RIGI: variants seen among roughly 807,000 people sequenced by gnomAD.
RIGI encodes the protein antiviral innate immune response receptor RIG-I.
chr9:32,491,397 C>T, the RIGI span: 4 of 1,610,612 alleles, frequency 2.5e-6, no homozygotes, highest in Non-Finnish European at 3.4e-6. Context: ...TCCTCAAGAT[C>T]TTCTGTTTCA....
chr9:32,461,451 T>A, the RIGI span, among the ~76,000 whole-genome samples: 1 of 152,230 alleles, frequency 6.6e-6, no homozygotes, highest in Non-Finnish European at 1.5e-5. Context: ...CATATCAGAT[T>A]ATGCTTTCAC....
At chr9:32,457,870 A>G in the RIGI span, among the ~76,000 whole-genome samples, 2 of 152,242 alleles carry the variant, frequency 1.3e-5, no homozygotes, top group Admixed American at 6.5e-5. Flanking sequence ...GGCCCCACCT[A>G]GAGTCAACTT....
the RIGI span, among the ~76,000 whole-genome samples, chr9:32,478,466 T>C: frequency 1.3e-5 from 2 of 152,220 alleles, no homozygotes; most frequent in Non-Finnish European, 2.9e-5. Flanking sequence ...TTTTTAACAC[T>C]AGTTCAATGA....
At chr9:32,461,971 C>T in the RIGI span, among the ~76,000 whole-genome samples, 2 of 152,132 alleles carry the variant, frequency 1.3e-5, no homozygotes, top group Non-Finnish European at 2.9e-5. Context: ...CATTCAAGAG[C>T]ATGGCATTTC....
the RIGI span, among the ~76,000 whole-genome samples, chr9:32,501,346 A>ATT: frequency 0.19 from 14,240 of 75,682 alleles, 973 homozygotes; most frequent in Middle Eastern, 0.46. Flanking sequence ...AAAAAAAAAA[A>ATT]TTTTTTTAAT....
the RIGI span, among the ~76,000 whole-genome samples, chr9:32,504,065 A>ACACACACACC: frequency 6.6e-6 from 1 of 151,320 alleles, no homozygotes; most frequent in African/African-American, 2.4e-5. Flanking sequence ...ACACACACAC[A>ACACACACACC]CACCCAGGTC....
the RIGI span, among the ~76,000 whole-genome samples, chr9:32,477,640 T>G: frequency 6.6e-6 from 1 of 152,220 alleles, no homozygotes; most frequent in Admixed American, 6.5e-5. Context: ...AAAAATATAG[T>G]CAGGCCGGGT....
At chr9:32,492,550 A>G in the RIGI span, 5 of 1,613,850 alleles carry the variant, frequency 3.1e-6, no homozygotes, top group Non-Finnish European at 4.2e-6. Flanking sequence ...TAAGCAAGGT[A>G]ACTGTAGTTT....
the RIGI span, among the ~76,000 whole-genome samples, chr9:32,479,866 T>C: frequency 6.6e-6 from 1 of 151,370 alleles, no homozygotes; most frequent in Non-Finnish European, 1.5e-5. Flanking sequence ...ACATAAATTA[T>C]GGTTTTTTTA....
chr9:32,500,893 C>T, the RIGI span: 1 of 1,614,172 alleles, frequency 6.2e-7, no homozygotes, highest in Non-Finnish European at 8.5e-7. Flanking sequence ...TGGCAGCCTC[C>T]ATTGGGCCCT....
At chr9:32,522,414 A>C in the RIGI span, among the ~76,000 whole-genome samples, 4 of 152,224 alleles carry the variant, frequency 2.6e-5, no homozygotes, top group Admixed American at 6.5e-5. Context: ...TTTAATAAAA[A>C]TCTGTTTTCT....
At chr9:32,521,245 AT>A in the RIGI span, among the ~76,000 whole-genome samples, 1 of 151,952 alleles carries the variant, frequency 6.6e-6, no homozygotes, top group African/African-American at 2.4e-5. Context: ...AACATTAAAA[AT>A]ATACCATACA....
chr9:32,488,661 C>T, the RIGI span: 1 of 1,417,444 alleles, frequency 7.1e-7, no homozygotes, highest in East Asian at 2.5e-5. Context: ...AATCATTTGT[C>T]AAAAACAAAA....
the RIGI span, among the ~76,000 whole-genome samples, chr9:32,476,160 TAAA>T: frequency 6.6e-6 from 1 of 151,798 alleles, no homozygotes; most frequent in African/African-American, 2.4e-5. Flanking sequence ...ATTTAAAAAG[TAAA>T]AAAAGGAAGA....
At chr9:32,457,011 A>C in the RIGI span, 2 of 817,238 alleles carry the variant, frequency 2.4e-6, no homozygotes, top group South Asian at 3.5e-5. Context: ...GATATTTTTA[A>C]AAAATATATT....
At chr9:32,492,854 T>C in the RIGI span, among the ~76,000 whole-genome samples, 7 of 152,316 alleles carry the variant, frequency 4.6e-5, no homozygotes, top group East Asian at 7.7e-4. Flanking sequence ...TATGGGTATA[T>C]TGGCATATAG....
the RIGI span, among the ~76,000 whole-genome samples, chr9:32,476,109 ACTCTAATGAGGTATC>A: frequency 6.6e-6 from 1 of 152,076 alleles, no homozygotes; most frequent in Admixed American, 6.6e-5. Flanking sequence ...GAAAATTAAA[ACTCTAATGAGGTATC>A]ATTACCTACT....
At chr9:32,457,151 GTATCT>G in the RIGI span, 1 of 1,613,600 alleles carries the variant, frequency 6.2e-7, no homozygotes, top group Non-Finnish European at 8.5e-7. Flanking sequence ...GGATCAAATG[GTATCT>G]TCTCAAAATG....
At chr9:32,493,807 T>C in the RIGI span, 29 of 1,609,640 alleles carry the variant, frequency 1.8e-5, no homozygotes, top group Admixed American at 8.4e-5. Context: ...TTCAGACAGA[T>C]CAGAAATGAT....
Sources: allele counts gnomAD v4.1 joint callset (sites outside exome capture counted in the v4.1 genomes callset), GRCh38; gene constraint gnomAD v4.1.1; transcripts MANE v1.5; gene names NCBI Gene and HGNC (gene_info 2026-07-23, HGNC 2026-07-21).